Variants in PRKG1 observed in about 807,000 individuals in gnomAD.
PRKG1 encodes the protein cGMP-dependent protein kinase 1.
A neutral mutation model predicts 88.1 loss-of-function variants in PRKG1; 35 were observed. The observed-to-expected ratio is 0.40, with a 90% confidence interval of 0.30 to 0.53. The LOEUF is 0.53. PRKG1 is among the 20% of genes least tolerant of loss of function. The pLI is 0.59. For synonymous variants in PRKG1, 303 were observed against 292.5 expected (o/e 1.04, Z -0.37); for missense variants, 540 against 839.8 (o/e 0.64, Z 4.41).
At chr10:51,608,891 A>G (rs569736928) in intron 3 of PRKG1, among the ~76,000 whole-genome samples, 3 of 152,288 alleles carry the variant, frequency 2.0e-5, no homozygotes, top group African/African-American at 4.8e-5. Flanking sequence ...AACAACAACA[A>G]AAAAGTAAAC....
At position 52,294,681 on chromosome 10, in the gene PRKG1, ATATTTTT is replaced by A. The variant is rs1447196281; in HGVS notation, c.*784_*790del. ...AAAAAGCAATTCACAAAACCATTTC[ATATTTTT>A]TAAAATATTGTGCTTAAAGATGGTC... On this transcript the variant is annotated 3_prime_UTR_variant, in exon 18 of 18. Coordinates refer to ENST00000373980, the MANE Select transcript of PRKG1 (RefSeq NM_006258.4). The A allele has an allele frequency of 6.6e-6, 1 of 152,538 alleles. No individual in the cohort carries two copies. Among genetic ancestry groups the A allele is most frequent in the African/African-American group, 2.4e-5 (1 of 41,428 alleles). The allele number at this position is 152,538 out of a possible 1,614,324, so 9.4% of individuals were successfully genotyped here.
At chr10:51,561,273 T>G (rs1589081939) in intron 3 of PRKG1, among the ~76,000 whole-genome samples, 1 of 151,884 alleles carries the variant, frequency 6.6e-6, no homozygotes, top group Non-Finnish European at 1.5e-5. Context: ...GTGGCTGCAG[T>G]GAGCTGTGGT....
intron 9 of PRKG1, among the ~76,000 whole-genome samples, chr10:52,248,842 C>A (rs544975672): frequency 6.6e-6 from 1 of 152,142 alleles, no homozygotes; most frequent in East Asian, 1.9e-4. Context: ...ATAACTTTTG[C>A]GCCCTGTATC....
At chr10:51,403,611 A>G (rs754477736) in intron 2 of PRKG1, among the ~76,000 whole-genome samples, 27 of 152,182 alleles carry the variant, frequency 1.8e-4, no homozygotes, top group Non-Finnish European at 2.9e-4. Flanking sequence ...AGTAAGTAAT[A>G]GAGCCAAGAT....
At chr10:51,362,377 C>T (rs1386484527) in intron 2 of PRKG1, among the ~76,000 whole-genome samples, 1 of 151,634 alleles carries the variant, frequency 6.6e-6, no homozygotes, top group Non-Finnish European at 1.5e-5. Flanking sequence ...TGCATCATGG[C>T]TTCTTTTTAA....
At chr10:51,277,535 C>T (rs575845398) in intron 2 of PRKG1, among the ~76,000 whole-genome samples, 1 of 152,312 alleles carries the variant, frequency 6.6e-6, no homozygotes, top group Non-Finnish European at 1.5e-5. Flanking sequence ...GGCATTGAAT[C>T]TATAAATTAC....
intron 2 of PRKG1, among the ~76,000 whole-genome samples, chr10:51,251,981 C>G (rs965732254): frequency 3.3e-5 from 5 of 151,744 alleles, no homozygotes; most frequent in Non-Finnish European, 7.4e-5. Flanking sequence ...ATATTACTTG[C>G]ATATTTATGT....
intron 2 of PRKG1, among the ~76,000 whole-genome samples, chr10:51,337,530 T>A (rs1367802135): frequency 6.6e-6 from 1 of 151,784 alleles, no homozygotes; most frequent in Admixed American, 6.6e-5. Flanking sequence ...AGATCTAATA[T>A]CCAGAATCTA....
At chr10:51,433,588 C>T (rs1041447679) in intron 2 of PRKG1, among the ~76,000 whole-genome samples, 1 of 152,004 alleles carries the variant, frequency 6.6e-6, no homozygotes, top group Non-Finnish European at 1.5e-5. Flanking sequence ...ATGACTCAAT[C>T]CGAAGGACCG....
At chr10:51,326,498 T>A (rs1841596792) in intron 2 of PRKG1, among the ~76,000 whole-genome samples, 1 of 152,216 alleles carries the variant, frequency 6.6e-6, no homozygotes, top group Non-Finnish European at 1.5e-5. Context: ...TCTTTTTTCA[T>A]TAATATCCTG....
At chr10:52,215,066 A>G (rs76575242) in intron 9 of PRKG1, among the ~76,000 whole-genome samples, 10,703 of 151,392 alleles carry the variant, frequency 0.071, 550 homozygotes, top group Middle Eastern at 0.16. Context: ...CAGCATGAAG[A>G]TGCCATTTTG....
At chr10:51,000,445 A>G (rs1448255357) in intron 1 of PRKG1, among the ~76,000 whole-genome samples, 1 of 152,224 alleles carries the variant, frequency 6.6e-6, no homozygotes, top group Non-Finnish European at 1.5e-5. Context: ...GATCTGAGCT[A>G]TGGTTCTGAA....
intron 1 of PRKG1, among the ~76,000 whole-genome samples, chr10:51,079,436 A>C (rs1422080171): frequency 6.6e-6 from 1 of 152,166 alleles, no homozygotes; most frequent in Non-Finnish European, 1.5e-5. Context: ...ATGAGAGGAA[A>C]GAGGGAGGGA....
chr10:51,018,630 C>T (rs917867114), intron 1 of PRKG1, among the ~76,000 whole-genome samples: 13 of 152,110 alleles, frequency 8.5e-5, no homozygotes, highest in Admixed American at 8.5e-4. Context: ...TTCTTATTTC[C>T]ATTAATCACT....
intron 3 of PRKG1, among the ~76,000 whole-genome samples, chr10:51,691,871 T>C (rs967843295): frequency 1.3e-5 from 2 of 152,200 alleles, no homozygotes; most frequent in African/African-American, 4.8e-5. Flanking sequence ...TTGAGGTTTC[T>C]TGTCCAAAGA....
chr10:51,606,261 A>C (rs1285538495), intron 3 of PRKG1, among the ~76,000 whole-genome samples: 1 of 152,038 alleles, frequency 6.6e-6, no homozygotes, highest in South Asian at 2.1e-4. Flanking sequence ...TTGGGTAACT[A>C]GCAACTACAT....
At chr10:51,879,600 C>G (rs1266469595) in intron 4 of PRKG1, among the ~76,000 whole-genome samples, 1 of 152,118 alleles carries the variant, frequency 6.6e-6, no homozygotes, top group Non-Finnish European at 1.5e-5. Context: ...TGTGAGCAAC[C>G]CAACTGAGCT....
intron 5 of PRKG1, among the ~76,000 whole-genome samples, chr10:52,009,801 A>G (rs1589513322): frequency 6.6e-6 from 1 of 152,200 alleles, no homozygotes; most frequent in Non-Finnish European, 1.5e-5. Context: ...CCAAAACAGC[A>G]TAGTACTGGT....
At chr10:52,274,480 T>G (rs988530199) in intron 12 of PRKG1, among the ~76,000 whole-genome samples, 1 of 151,508 alleles carries the variant, frequency 6.6e-6, no homozygotes, top group Non-Finnish European at 1.5e-5. Flanking sequence ...CTGTGTAGTA[T>G]TCCATCATAT....
Sources: gnomAD v4.1 joint callset for allele counts (sites outside exome capture counted in the v4.1 genomes callset) on GRCh38, gnomAD v4.1.1 for gene constraint, MANE v1.5 for transcripts, NCBI Gene and HGNC (gene_info 2026-07-23, HGNC 2026-07-21) for gene names.